The following SEMA3A variants were observed in gnomAD, a reference collection of about 807,000 sequenced individuals.
SEMA3A encodes semaphorin-3A.
In SEMA3A, 29 loss-of-function variants were observed where a neutral mutation model predicts 97.9. The ratio of observed to expected loss-of-function variants is 0.30; its 90% CI spans 0.22 to 0.40. SEMA3A has a LOEUF of 0.40. SEMA3A is among the 10% of genes least tolerant of loss of function. The pLI, the probability that SEMA3A is intolerant of heterozygous loss-of-function variation, is 1.00. For missense variants in SEMA3A, 763 were observed against 951.3 expected (o/e 0.80, Z 2.60); for synonymous variants, 321 against 323.7 (o/e 0.99, Z 0.09).
At chr7:84,238,470 G>C (rs1359452886) in intron 3 of SEMA3A, among the ~76,000 whole-genome samples, 1 of 152,000 alleles carries the variant, frequency 6.6e-6, no homozygotes, top group South Asian at 2.1e-4. Context: ...TATTTAAATC[G>C]GCTTCCTCCA....
chr7:84,141,916 A>G (rs1462464768), intron 1 of SEMA3A, among the ~76,000 whole-genome samples: 1 of 152,146 alleles, frequency 6.6e-6, no homozygotes, highest in East Asian at 1.9e-4. Flanking sequence ...ACCGAATCAA[A>G]GAACAAGATG....
At chr7:84,185,579 T>C (rs1797853688) in intron 1 of SEMA3A, among the ~76,000 whole-genome samples, 1 of 150,602 alleles carries the variant, frequency 6.6e-6, no homozygotes, top group Admixed American at 6.7e-5. Context: ...TAATCCCAGC[T>C]ACTCAGGAGT....
intron 1 of SEMA3A, among the ~76,000 whole-genome samples, chr7:84,393,689 C>A (rs1803650176): frequency 6.6e-6 from 1 of 152,066 alleles, no homozygotes; most frequent in Non-Finnish European, 1.5e-5. Flanking sequence ...CCTGTTTTAT[C>A]AGAGAGTAAT....
At chr7:84,158,317 G>A (rs1012737216) in intron 1 of SEMA3A, among the ~76,000 whole-genome samples, 1 of 151,690 alleles carries the variant, frequency 6.6e-6, no homozygotes, top group South Asian at 2.1e-4. Context: ...ACCACACCGG[G>A]CTAATTTTTG....
chr7:84,063,223 G>GT lies in SEMA3A; in HGVS notation c.454-2666_454-2665insA, dbSNP rs546112627. Among the ~76,000 whole-genome samples, 19 of 151,240 alleles carry GT rather than the reference G, an allele frequency of 1.3e-4. No individual in the cohort carries two copies. The South Asian group carries it at 2.1e-3, about 17-fold the overall frequency. On this transcript the variant is annotated intron_variant, in intron 4 of 16. Transcript: ENST00000265362. ...AGCTGAGGGTCCTGTCTGTTAGAAG[G>GT]AAAACTAACAAACAGAAAGGACATC...
chr7:84,332,674 TAC>T (rs3048014), intron 2 of SEMA3A, among the ~76,000 whole-genome samples: 4,073 of 149,812 alleles, frequency 0.027, 154 homozygotes, highest in African/African-American at 0.08. Flanking sequence ...TGTGTGTGTA[TAC>T]ACACACACAC....
chr7:84,194,478 T>A lies in SEMA3A; in HGVS notation c.109A>T (p.Lys37Ter). The A allele has an allele frequency of 6.3e-7, 1 of 1,594,762 alleles. No individual in the cohort carries two copies. Among genetic ancestry groups the A allele is most frequent in the Non-Finnish European group, 8.6e-7 (1 of 1,162,496 alleles). ...ATAAAAGAAAAATAAGATTTACCTT[T>A]GTAGGATAATTTCAGCCTTGGCACA... ...NNVPRLKLSY[K>*]EMLESNNVIT... Residue 37 changes from lysine (K) to a stop codon, truncating the protein, a stop_gained, in exon 1 of 17, where the codon AAA (lysine) becomes TAA (stop). Coordinates refer to ENST00000265362, the MANE Select transcript of SEMA3A (RefSeq NM_006080.3). LOFTEE classifies it high-confidence loss of function.
chr7:84,327,826 G>C (rs1801806408), intron 2 of SEMA3A, among the ~76,000 whole-genome samples: 1 of 151,916 alleles, frequency 6.6e-6, no homozygotes, highest in Admixed American at 6.6e-5. Context: ...AAGCAGCTAT[G>C]GAACATGGTC....
In SEMA3A at chr7:84,168,588, G is replaced by A. The variant is rs146471075; in HGVS notation, c.112+25887C>T. ...ACAAATATAACTGGCAGTAGAAATC[G>A]ACGTATTTTCCAAATTAAAATAGCA... On this transcript the variant is annotated intron_variant, in intron 1 of 16. Coordinates refer to ENST00000265362, the MANE Select transcript of SEMA3A (RefSeq NM_006080.3). 1.8e-3 allele frequency among the ~76,000 whole-genome samples: 280 copies of A among 151,912 alleles called. 1 individual carries two copies. The highest frequency in any genetic ancestry group is 0.013 in the East Asian group (67 of 5,182).
intron 2 of SEMA3A, among the ~76,000 whole-genome samples, chr7:84,330,760 T>A (rs1423052578): frequency 6.6e-6 from 1 of 152,082 alleles, no homozygotes; most frequent in African/African-American, 2.4e-5. Flanking sequence ...TTTTAAAAAA[T>A]AATTCAACTC....
rs1789828619 is a variant in SEMA3A, at chr7:83,989,969, T to G, written c.1453-4492A>C. Among the ~76,000 whole-genome samples the G allele has an allele frequency of 5.9e-5, 9 of 152,062 alleles. No homozygotes were observed. The South Asian group carries it at 1.9e-3, about 32-fold the overall frequency. ...AGTATTCCTATTTCTCCACATCCTCTCCAGCACCTGTTGTTTCCTGACTTT... is the reference window on the plus strand; with the variant it reads ...AGTATTCCTATTTCTCCACATCCTCGCCAGCACCTGTTGTTTCCTGACTTT... On this transcript the variant is annotated intron_variant, in intron 12 of 16. Transcript: ENST00000265362.
At chr7:84,231,400 G>T (rs1799112472) in intron 3 of SEMA3A, among the ~76,000 whole-genome samples, 3 of 151,968 alleles carry the variant, frequency 2.0e-5, no homozygotes, top group Admixed American at 2.0e-4. Flanking sequence ...GAATCCATGA[G>T]GTTAGATGGA....
chr7:84,099,215 C>T (rs1259031364), intron 4 of SEMA3A, among the ~76,000 whole-genome samples: 3 of 111,458 alleles, frequency 2.7e-5, no homozygotes, highest in South Asian at 2.7e-4. Context: ...GGACTACAGG[C>T]GCCCGCTACC....
chr7:84,266,313 CAAAAAAAAAAAA>C (rs57809084), intron 3 of SEMA3A, among the ~76,000 whole-genome samples: 1 of 70,482 alleles, frequency 1.4e-5, no homozygotes, highest in African/African-American at 5.7e-5. Flanking sequence ...GATTTGGTCT[CAAAAAAAAAAAA>C]AAAAAAAAAA....
At chr7:84,379,491 G>A (rs1341049446) in intron 1 of SEMA3A, among the ~76,000 whole-genome samples, 1 of 152,050 alleles carries the variant, frequency 6.6e-6, no homozygotes, top group Non-Finnish European at 1.5e-5. Flanking sequence ...AAATTCCAAA[G>A]AATTGAGGAA....
At chr7:84,328,448 A>G (rs1801824604) in intron 2 of SEMA3A, among the ~76,000 whole-genome samples, 2 of 151,990 alleles carry the variant, frequency 1.3e-5, no homozygotes, top group Non-Finnish European at 2.9e-5. Context: ...ATAGAGGGGA[A>G]GAGAGACAAA....
chr7:84,408,127 T>C (rs541368884), intron 1 of SEMA3A, among the ~76,000 whole-genome samples: 2 of 151,776 alleles, frequency 1.3e-5, no homozygotes, highest in Non-Finnish European at 2.9e-5. Flanking sequence ...TGGGAGAAAA[T>C]TTTGCAACCT....
chr7:84,392,741 G>A (rs1471854684), intron 1 of SEMA3A, among the ~76,000 whole-genome samples: 1 of 152,104 alleles, frequency 6.6e-6, no homozygotes, highest in African/African-American at 2.4e-5. Context: ...CATTTTAACA[G>A]ATGTGAGGTG....
chr7:84,450,761 G>A (rs192745155), intron 1 of SEMA3A, among the ~76,000 whole-genome samples: 104 of 152,106 alleles, frequency 6.8e-4, no homozygotes, highest in African/African-American at 2.2e-3. Flanking sequence ...TCCCTAATTC[G>A]TGATGTTGAA....
Sources: allele counts gnomAD v4.1 joint callset (sites outside exome capture counted in the v4.1 genomes callset), GRCh38; gene constraint gnomAD v4.1.1; transcripts MANE v1.5; gene names NCBI Gene and HGNC (gene_info 2026-07-23, HGNC 2026-07-21).